Variants in DCTN1 observed in about 807,000 individuals in gnomAD.
DCTN1 encodes the protein 150 kDa dynein-associated polypeptide.
DCTN1 carries 61 observed loss-of-function variants against 161.2 expected under a neutral mutation model. The observed-to-expected ratio is 0.38, with a 90% CI of 0.31 to 0.47. The LOEUF is 0.47. DCTN1 is among the 20% of genes least tolerant of loss of function. DCTN1 has a pLI of 0.99. For missense variants in DCTN1, 1,404 were observed against 1,623.7 expected, an observed-to-expected ratio of 0.86 and a Z score of 2.33; for synonymous variants, 653 against 632.4, an observed-to-expected ratio of 1.03 and a Z score of -0.49.
chr2:74,371,733 T>G lies in DCTN1; in HGVS notation c.454-5A>C. On this transcript the variant is annotated splice_region_variant and splice_polypyrimidine_tract_variant and intron_variant, in intron 7 of 31. Transcript: ENST00000628224. The stretch of plus-strand genomic sequence containing the variant: ...AGTACTGGCTGGGCGCGTGGGCTAT[T>G]CAGAAAGGGTAGAGGCAGACCAGAA... 1.9e-6 allele frequency: 3 copies of G among 1,606,498 alleles called. No homozygotes were observed. The highest frequency in any genetic ancestry group is 2.5e-6 in the Non-Finnish European group (3 of 1,177,854).
At chr2:74,385,081 G>A (rs1291903354), upstream of DCTN1, 2 of 152,040 alleles carry the variant, frequency 1.3e-5, no homozygotes, top group Non-Finnish European at 2.9e-5. Context: ...CATAGATAAG[G>A]CCTACACACT....
At chr2:74,388,779 T>C (rs1268645140) in intron 1 of DCTN1, among the ~76,000 whole-genome samples, 1 of 152,202 alleles carries the variant, frequency 6.6e-6, no homozygotes, top group Non-Finnish European at 1.5e-5. Flanking sequence ...TATTCAATGT[T>C]GAATAGATGC....
chr2:74,380,526 G>A (rs774181967), upstream of DCTN1: 14 of 472,644 alleles, frequency 3.0e-5, no homozygotes, highest in Non-Finnish European at 5.7e-5. Context: ...CCCCCAGGAT[G>A]TAAGGCCTCA....
chr2:74,370,344 T>G lies in DCTN1; in HGVS notation c.1129A>C (p.Met377Leu), dbSNP rs570863800. The change falls in exon 12 of 32, where the codon ATG becomes CTG. Residue 377 changes from methionine to leucine, a missense_variant and splice_region_variant. By Grantham distance (15) the Met-to-Leu change is conservative. This residue lies in a region of DCTN1 where 278 missense variants were observed against 363.8 expected (regional missense o/e 0.76). Transcript: ENST00000628224. This position sits in a 1 kb window ranked among gnomAD's most constrained non-coding sequence, Gnocchi z 4.4. ...TTCTCTGAGGAAGAAAGATCCCGCA[T>G]CCTGCAGGGATGTGAGGAAGGCAGA... ...NARLKDALVR[M>L]RDLSSSEKQE... The G allele has an allele frequency of 3.4e-5, 55 of 1,613,874 alleles. No homozygotes were observed. The South Asian group carries it at 5.8e-4, about 17-fold the overall frequency.
chr2:74,380,386 C>G, upstream of DCTN1: 1 of 506,700 alleles, frequency 2.0e-6, no homozygotes. Flanking sequence ...TTCACGTGGG[C>G]CAGAAACTAA....
intron 26 of DCTN1, chr2:74,363,888 G>A (rs981955258): frequency 1.7e-6 from 1 of 572,384 alleles, no homozygotes; most frequent in South Asian, 1.9e-5. Context: ...AAGAGAGTGT[G>A]CACTGTACAA....
intron 16 of DCTN1, 162 bp downstream of exon 16, chr2:74,368,566 A>T: frequency 2.1e-6 from 2 of 946,492 alleles, no homozygotes; most frequent in Non-Finnish European, 3.2e-6. Flanking sequence ...TTGAAAACAC[A>T]CCATTTGTAA....
At chr2:74,381,765 C>T (rs1313599871), upstream of DCTN1, among the ~76,000 whole-genome samples, 1 of 152,162 alleles carries the variant, frequency 6.6e-6, no homozygotes, top group South Asian at 2.1e-4. Flanking sequence ...TTTCCTCATC[C>T]GTCATAGGGA....
chr2:74,362,869 A>G, intron 29 of DCTN1, 125 bp downstream of exon 29: 1 of 1,343,222 alleles, frequency 7.4e-7, no homozygotes, highest in Non-Finnish European at 1.0e-6. Context: ...CAAACTGAAC[A>G]GTGAAGCCAA....
upstream of DCTN1, chr2:74,384,979 A>G (rs1489557084): frequency 1.3e-5 from 2 of 152,236 alleles, no homozygotes; most frequent in Admixed American, 1.3e-4. Context: ...AAGCTTGGAA[A>G]GCTGGATTCC....
rs72466483 is a variant in DCTN1 at position 74,378,234 on chromosome 2, G to A, written c.45C>T (p.Gly15=). The change falls in exon 2 of 32, where the codon GGC becomes GGT. Residue 15 remains glycine (G), a synonymous_variant. Coordinates refer to ENST00000628224, the MANE Select transcript of DCTN1 (RefSeq NM_004082.5). ...KRHVYSRTPS[G]SRMSAEASAR... ...CGCTTGCCTCCGCACTCATCCTGCT[G>A]CCGCTGGGCGTCTGAAAGACACAGG... 4.0e-5 allele frequency: 65 copies of A among 1,608,380 alleles called. No homozygotes were observed. Among genetic ancestry groups the A allele is most frequent in the Non-Finnish European group, 5.0e-5 (59 of 1,180,012 alleles).
At chr2:74,365,481 T>A in intron 25 of DCTN1, 34 bp downstream of exon 25, 1 of 1,613,962 alleles carries the variant, frequency 6.2e-7, no homozygotes, top group Non-Finnish European at 8.5e-7. Context: ...GTGGGAGGAT[T>A]AGAGGAAGCA....
At chr2:74,367,529 G>T (rs1366101022) in intron 18 of DCTN1, 109 bp from the exon 19 acceptor site, 3 of 1,494,234 alleles carry the variant, frequency 2.0e-6, no homozygotes, top group Non-Finnish European at 1.8e-6. Context: ...AGGTACAAGA[G>T]AATCCAAAGC....
chr2:74,380,175 A>G lies in DCTN1; in HGVS notation c.-138T>C. 2.2e-6 allele frequency: 2 copies of G among 908,072 alleles called. No homozygotes were observed. The highest frequency in any genetic ancestry group is 2.7e-5 in the South Asian group (2 of 73,610). 56.3% of individuals were successfully genotyped at this position (908,072 alleles called of 1,614,324 possible). ...CGTCAGGCACAGCCCTCCCCAGTCC[A>G]TGGGCCTCACTCGGTGGCCTACACG... On this transcript the variant is annotated 5_prime_UTR_variant, in exon 1 of 32. The change abolishes an upstream ATG in the 5' untranslated region. Transcript: ENST00000628224.
intron 29 of DCTN1, 106 bp from the exon 30 acceptor site, chr2:74,362,835 T>C (rs1674114297): frequency 2.7e-5 from 35 of 1,308,150 alleles, no homozygotes; most frequent in Non-Finnish European, 3.8e-5. Flanking sequence ...GAACAAGTAC[T>C]TGAGAGAGAG....
intron 6 of DCTN1, among the ~76,000 whole-genome samples, chr2:74,373,888 A>G (rs1675049065): frequency 6.6e-6 from 1 of 152,192 alleles, no homozygotes; most frequent in Non-Finnish European, 1.5e-5. Flanking sequence ...CACCCTGGTA[A>G]AGTGCCCTGA....
intron 5 of DCTN1, chr2:74,374,586 T>A: frequency 3.9e-6 from 5 of 1,293,954 alleles, no homozygotes; most frequent in Non-Finnish European, 5.0e-6. Flanking sequence ...CCCGCAGACG[T>A]GCAGCTGGAT....
At chr2:74,384,245 T>G (rs1237995208), upstream of DCTN1, among the ~76,000 whole-genome samples, 1 of 152,194 alleles carries the variant, frequency 6.6e-6, no homozygotes, top group Non-Finnish European at 1.5e-5. Context: ...GATTCCATTC[T>G]CTCCATTCCA....
intron 7 of DCTN1, 160 bp from the exon 8 acceptor site, chr2:74,371,888 G>C: frequency 1.6e-6 from 1 of 640,112 alleles, no homozygotes. Context: ...GAATGAAGGG[G>C]ACAAGGAAAA....
Sources: allele counts gnomAD v4.1 joint callset (sites outside exome capture counted in the v4.1 genomes callset), GRCh38; gene constraint gnomAD v4.1.1; regional missense constraint gnomAD v4.1.1; non-coding constraint Gnocchi (gnomAD v3.1); transcripts MANE v1.5; gene names NCBI Gene and HGNC (gene_info 2026-07-23, HGNC 2026-07-21).